FADS2: variants seen among roughly 807,000 people sequenced by gnomAD.
FADS2 encodes acyl-CoA 6-desaturase.
Under a neutral mutation model 61.2 loss-of-function variants are expected in FADS2, and 18 were observed. The observed-to-expected ratio is 0.29, with a 90% CI of 0.20 to 0.44. FADS2 has a LOEUF of 0.44. Among genes scored for constraint, FADS2 ranks in the 20% least tolerant of loss-of-function variants. The probability of loss-of-function intolerance (pLI) is 1.00; values close to 1 mark genes in which losing one functional copy is unlikely to be tolerated. For missense variants in FADS2, 322 were observed against 572.7 expected, an observed-to-expected ratio of 0.56 and a Z score of 4.47; for synonymous variants, 203 against 223.9, an observed-to-expected ratio of 0.91 and a Z score of 0.83.
At chr11:61,857,108 TC>T in intron 6 of FADS2, 37 bp downstream of exon 6, 2 of 1,545,200 alleles carry the variant, frequency 1.3e-6, no homozygotes, top group South Asian at 1.1e-5. Context: ...TCTGGGACCC[TC>T]CCCTCCCCCC....
At chr11:61,850,069 G>A (rs925692663) in intron 5 of FADS2, among the ~76,000 whole-genome samples, 1 of 151,928 alleles carries the variant, frequency 6.6e-6, no homozygotes, top group South Asian at 2.1e-4. Flanking sequence ...ATTCTACCTT[G>A]TATCCTGCAA....
chr11:61,831,606 C>T (rs945059487), intron 1 of FADS2, among the ~76,000 whole-genome samples: 3 of 152,182 alleles, frequency 2.0e-5, no homozygotes, highest in African/African-American at 7.2e-5. Context: ...AAGCTAAACC[C>T]TGACCTTGCC....
chr11:61,817,743 G>A (rs145442689), intron 1 of FADS2, among the ~76,000 whole-genome samples: 4 of 152,256 alleles, frequency 2.6e-5, no homozygotes, highest in African/African-American at 7.2e-5. Flanking sequence ...GAGTGGGAAC[G>A]CACCTAAAAG....
chr11:61,858,709 C>T (rs902093573), intron 7 of FADS2, among the ~76,000 whole-genome samples: 1 of 151,828 alleles, frequency 6.6e-6, no homozygotes, highest in African/African-American at 2.4e-5. Flanking sequence ...CCTCAACCTC[C>T]TGAGTAGCTG....
At chr11:61,828,132 G>A, upstream of FADS2, 5 of 1,375,514 alleles carry the variant, frequency 3.6e-6, no homozygotes, top group Non-Finnish European at 4.7e-6. The surrounding 1 kb of genome is among the most constrained non-coding windows in gnomAD (Gnocchi z 6.4). Context: ...CATAGCGGGA[G>A]GGCTGAGGGA....
intron 5 of FADS2, among the ~76,000 whole-genome samples, chr11:61,850,083 G>A (rs1419944948): frequency 6.6e-6 from 1 of 152,018 alleles, no homozygotes; most frequent in Admixed American, 6.6e-5. Flanking sequence ...CCTGCAACTT[G>A]CCACCTCTGC....
At chr11:61,861,371 A>AAAAAAAAAAAAAAAAAAAAAAAAAAC (rs1555078396) in intron 7 of FADS2, among the ~76,000 whole-genome samples, 33 of 106,454 alleles carry the variant, frequency 3.1e-4, no homozygotes, top group Non-Finnish European at 6.3e-4. Context: ...AAAAAAAAAA[A>AAAAAAAAAAAAAAAAAAAAAAAAAAC]CAGAAATTAG....
rs568268425 is a variant in FADS2, at chr11:61,836,721, C to A, written c.208-1057C>A. Among the ~76,000 whole-genome samples the A allele has an allele frequency of 2.0e-5, 3 of 152,330 alleles. No homozygotes were observed. The East Asian group carries it at 5.8e-4, about 29-fold the overall frequency. On this transcript the variant is annotated intron_variant, in intron 1 of 11. Coordinates refer to ENST00000278840, the MANE Select transcript of FADS2 (RefSeq NM_004265.4). ...GTCTCTTTTAATCTAGACCATGCTT[C>A]CGTACTTTTGTTTTTTCCACAAACT...
intron 1 of FADS2, among the ~76,000 whole-genome samples, chr11:61,836,367 G>A (rs1295671157): frequency 6.6e-6 from 1 of 151,948 alleles, no homozygotes; most frequent in East Asian, 1.9e-4. Context: ...CAAAGTGCTG[G>A]GATTACAGGC....
At chr11:61,823,117 T>C (rs1052363826) in intron 1 of FADS2, among the ~76,000 whole-genome samples, 2 of 152,222 alleles carry the variant, frequency 1.3e-5, no homozygotes, top group Admixed American at 1.3e-4. Context: ...CTACAGCTCC[T>C]TGACCAAGTA....
At chr11:61,863,203 G>A (rs2067432460) in intron 8 of FADS2, 79 bp from the exon 9 acceptor site, 2 of 1,452,824 alleles carry the variant, frequency 1.4e-6, no homozygotes, top group African/African-American at 1.4e-5. Flanking sequence ...GGCTGTCCTG[G>A]GCTGGTTGGG....
At chr11:61,852,329 C>T (rs1334080978) in intron 5 of FADS2, among the ~76,000 whole-genome samples, 3 of 152,230 alleles carry the variant, frequency 2.0e-5, no homozygotes, top group Non-Finnish European at 4.4e-5. Context: ...GGCGCAATCT[C>T]GGTTCACTGC....
At chr11:61,850,239 CT>C (rs1195044806) in intron 5 of FADS2, among the ~76,000 whole-genome samples, 1 of 151,794 alleles carries the variant, frequency 6.6e-6, no homozygotes, top group Non-Finnish European at 1.5e-5. Context: ...TTCATAATTT[CT>C]TTCTTTTCTT....
At chr11:61,839,458 G>A (rs2067200892) in intron 2 of FADS2, among the ~76,000 whole-genome samples, 1 of 152,020 alleles carries the variant, frequency 6.6e-6, no homozygotes, top group Non-Finnish European at 1.5e-5. Flanking sequence ...ATGTAGCTGG[G>A]ATTACAGGTG....
intron 7 of FADS2, among the ~76,000 whole-genome samples, chr11:61,860,672 CTT>C (rs2067406017): frequency 6.6e-6 from 1 of 152,214 alleles, no homozygotes; most frequent in South Asian, 2.1e-4. Flanking sequence ...GATCTCAGCA[CTT>C]TGGGAGGCTG....
chr11:61,836,438 C>T (rs2067176032), intron 1 of FADS2, among the ~76,000 whole-genome samples: 1 of 151,194 alleles, frequency 6.6e-6, no homozygotes, highest in African/African-American at 2.4e-5. Flanking sequence ...CTTGCCCAGG[C>T]TGGAGTGCAG....
intron 5 of FADS2, among the ~76,000 whole-genome samples, chr11:61,852,740 A>G (rs2067318039): frequency 6.6e-6 from 1 of 152,080 alleles, no homozygotes. Context: ...CTTCCAATGA[A>G]TGGGATAGTT....
intron 1 of FADS2, among the ~76,000 whole-genome samples, chr11:61,835,657 G>A (rs542193844): frequency 6.0e-5 from 9 of 150,872 alleles, no homozygotes; most frequent in East Asian, 1.9e-4. Flanking sequence ...CCGCCGCCTC[G>A]GCCTCCCAAA....
At chr11:61,833,669 C>T (rs1565327979) in intron 1 of FADS2, among the ~76,000 whole-genome samples, 1 of 152,252 alleles carries the variant, frequency 6.6e-6, no homozygotes, top group Non-Finnish European at 1.5e-5. Flanking sequence ...GCAAGCCACT[C>T]CCATGGCCCC....
Sources: gnomAD v4.1 joint callset for allele counts (sites outside exome capture counted in the v4.1 genomes callset) on GRCh38, gnomAD v4.1.1 for gene constraint, Gnocchi (gnomAD v3.1) non-coding constraint, MANE v1.5 for transcripts, NCBI Gene and HGNC (gene_info 2026-07-23, HGNC 2026-07-21) for gene names.